SLC10A7: variants seen among roughly 807,000 people sequenced by gnomAD.
SLC10A7 encodes solute carrier family 10 member 7, also known as sodium/bile acid cotransporter 7.
A neutral mutation model predicts 43.2 loss-of-function variants in SLC10A7; 29 were observed. The observed-to-expected ratio is 0.67, with a 90% confidence interval of 0.50 to 0.92. The LOEUF is 0.92. Among genes scored for constraint, SLC10A7 ranks in the 40% least tolerant of loss-of-function variants. The pLI, the probability that SLC10A7 is intolerant of heterozygous loss-of-function variation, is 0.00. For synonymous variants in SLC10A7, 152 were observed against 144.8 expected, an observed-to-expected ratio of 1.05 and a Z score of -0.35; for missense variants, 295 against 403.2, an observed-to-expected ratio of 0.73 and a Z score of 2.30.
At chr4:146,457,553 A>G (rs912741798) in intron 4 of SLC10A7, among the ~76,000 whole-genome samples, 1 of 151,956 alleles carries the variant, frequency 6.6e-6, no homozygotes, top group Non-Finnish European at 1.5e-5. Flanking sequence ...ACCACACAAA[A>G]AACTTTCAGC....
rs114888279 is a variant in SLC10A7 at position 146,511,045 on chromosome 4, T to G, written c.184-996A>C. ...CAGTAAGTAAATACTATTATCCCTG[T>G]TTTACCGATGAAGAAATTGAAGTTG... is the stretch of plus-strand genomic sequence containing the variant. On this transcript the variant is annotated intron_variant, in intron 2 of 11. Coordinates refer to ENST00000335472, the MANE Select transcript of SLC10A7 (RefSeq NM_001029998.6). Among the ~76,000 whole-genome samples the G allele has an allele frequency of 7.0e-3, 1,068 of 152,256 alleles. 9 individuals carry two copies. Among genetic ancestry groups the G allele is most frequent in the African/African-American group, 0.025 (1,018 of 41,532 alleles).
At chr4:146,471,898 A>G (rs1391218339) in intron 4 of SLC10A7, among the ~76,000 whole-genome samples, 2 of 152,146 alleles carry the variant, frequency 1.3e-5, no homozygotes, top group African/African-American at 4.8e-5. Context: ...ACTAAACATA[A>G]AATGCTTGAA....
intron 5 of SLC10A7, among the ~76,000 whole-genome samples, chr4:146,384,009 G>A (rs1421830054): frequency 6.6e-6 from 1 of 151,938 alleles, no homozygotes; most frequent in East Asian, 1.9e-4. Context: ...AAACACTCTG[G>A]GTCTCAGTTT....
At chr4:146,265,920 AAC>A (rs1444394787) in intron 10 of SLC10A7, among the ~76,000 whole-genome samples, 4 of 152,158 alleles carry the variant, frequency 2.6e-5, no homozygotes, top group Admixed American at 2.0e-4. Context: ...TGTATTGAAA[AAC>A]ACACGTTGTG....
chr4:146,469,477 T>A (rs1004946782), intron 4 of SLC10A7, among the ~76,000 whole-genome samples: 2 of 152,186 alleles, frequency 1.3e-5, no homozygotes, highest in Non-Finnish European at 2.9e-5. Context: ...CATACTATCA[T>A]CAAAATCAAC....
At chr4:146,350,072 C>T (rs1277428456) in intron 5 of SLC10A7, among the ~76,000 whole-genome samples, 5 of 151,942 alleles carry the variant, frequency 3.3e-5, no homozygotes, top group Non-Finnish European at 7.4e-5. Context: ...CAGCTCCCAG[C>T]GTGAGCGACG....
intron 7 of SLC10A7, among the ~76,000 whole-genome samples, chr4:146,300,531 C>A (rs962671064): frequency 1.3e-5 from 2 of 152,104 alleles, no homozygotes; most frequent in Admixed American, 1.3e-4. Flanking sequence ...CCTGGGCACC[C>A]CTGCCTGTGG....
intron 5 of SLC10A7, among the ~76,000 whole-genome samples, chr4:146,427,469 G>A (rs1431136617): frequency 6.6e-6 from 1 of 152,082 alleles, no homozygotes; most frequent in Non-Finnish European, 1.5e-5. Flanking sequence ...GACTTCAACA[G>A]TTGTTTGGCT....
chr4:146,272,884 A>G (rs1472417273), intron 10 of SLC10A7, among the ~76,000 whole-genome samples: 2 of 152,136 alleles, frequency 1.3e-5, no homozygotes, highest in Non-Finnish European at 2.9e-5. Context: ...GATTTCCAGG[A>G]AACAGGCTGT....
chr4:146,399,724 T>A (rs1739091852), intron 5 of SLC10A7, among the ~76,000 whole-genome samples: 1 of 152,196 alleles, frequency 6.6e-6, no homozygotes, highest in Non-Finnish European at 1.5e-5. Flanking sequence ...TAAGACCACG[T>A]AACGGGGAGA....
intron 5 of SLC10A7, among the ~76,000 whole-genome samples, chr4:146,344,985 G>A (rs1395925550): frequency 6.6e-6 from 1 of 152,100 alleles, no homozygotes; most frequent in African/African-American, 2.4e-5. Context: ...CGAAAAGTTG[G>A]AGAACACTGT....
In SLC10A7 at chr4:146,340,434, C is replaced by G. The variant is rs561321054; in HGVS notation, c.436-14438G>C. Among the ~76,000 whole-genome samples the G allele has an allele frequency of 2.2e-3, 337 of 150,806 alleles. 2 individuals carry two copies. Among genetic ancestry groups the G allele is most frequent in the Non-Finnish European group, 3.5e-3 (236 of 67,676 alleles). On this transcript the variant is annotated intron_variant, in intron 5 of 11. Coordinates refer to ENST00000335472, the MANE Select transcript of SLC10A7 (RefSeq NM_001029998.6). The stretch of plus-strand genomic sequence containing the variant: ...GCAGGCTCTAGTAAAAAACAAAGAC[C>G]CAGGCTCTAGCAAAAATGCAAAGGC...
intron 3 of SLC10A7, among the ~76,000 whole-genome samples, chr4:146,509,235 TTG>T (rs1737224213): frequency 6.6e-6 from 1 of 152,198 alleles, no homozygotes; most frequent in Non-Finnish European, 1.5e-5. Context: ...CATTTCACTG[TTG>T]TTTCTCCAAT....
chr4:146,294,501 T>G (rs1730649050), intron 7 of SLC10A7, among the ~76,000 whole-genome samples: 1 of 152,198 alleles, frequency 6.6e-6, no homozygotes, highest in Non-Finnish European at 1.5e-5. Flanking sequence ...CTTAAAAATC[T>G]GACATCTTCA....
chr4:146,423,675 T>C (rs910977855), intron 5 of SLC10A7, among the ~76,000 whole-genome samples: 4 of 152,230 alleles, frequency 2.6e-5, no homozygotes, highest in African/African-American at 9.6e-5. Flanking sequence ...GGTTTAGTGC[T>C]ACTCAATAGC....
intron 5 of SLC10A7, among the ~76,000 whole-genome samples, chr4:146,378,291 T>C (rs1371793907): frequency 6.6e-6 from 1 of 152,200 alleles, no homozygotes; most frequent in African/African-American, 2.4e-5. Context: ...TTATAATCTC[T>C]CTCTCTCTCT....
At chr4:146,379,910 A>T (rs753989428) in intron 5 of SLC10A7, among the ~76,000 whole-genome samples, 1 of 151,770 alleles carries the variant, frequency 6.6e-6, no homozygotes, top group South Asian at 2.1e-4. Context: ...GATTCATACT[A>T]CACAAATATC....
intron 5 of SLC10A7, among the ~76,000 whole-genome samples, chr4:146,413,880 T>C (rs1206681645): frequency 6.6e-6 from 1 of 152,178 alleles, no homozygotes; most frequent in Non-Finnish European, 1.5e-5. Flanking sequence ...TAAATTCCTA[T>C]TACAGATTAA....
At chr4:146,481,511 T>G (rs1160108456) in intron 4 of SLC10A7, among the ~76,000 whole-genome samples, 3 of 152,190 alleles carry the variant, frequency 2.0e-5, no homozygotes, top group East Asian at 3.9e-4. Flanking sequence ...GAGTTACCAC[T>G]GTGCCTCGTG....
Sources: gnomAD v4.1 joint callset for allele counts (sites outside exome capture counted in the v4.1 genomes callset) on GRCh38, gnomAD v4.1.1 for gene constraint, MANE v1.5 for transcripts, NCBI Gene and HGNC (gene_info 2026-07-23, HGNC 2026-07-21) for gene names.